Variants in CDH11 observed in about 807,000 individuals in gnomAD.
CDH11 encodes the protein cadherin-11.
A neutral mutation model predicts 67.8 loss-of-function variants in CDH11; 11 were observed. The observed-to-expected ratio is 0.16, with a 90% CI of 0.10 to 0.27. The LOEUF (loss-of-function observed/expected upper bound fraction) is 0.27. Among genes scored for constraint, CDH11 ranks in the 10% least tolerant of loss-of-function variants. The pLI is 1.00. For missense variants in CDH11, 847 were observed against 1,031.2 expected, an observed-to-expected ratio of 0.82 and a Z score of 2.45; for synonymous variants, 419 against 400.0, an observed-to-expected ratio of 1.05 and a Z score of -0.57.
At chr16:64,988,650 C>G (rs897608062) in intron 6 of CDH11, among the ~76,000 whole-genome samples, 6 of 152,032 alleles carry the variant, frequency 3.9e-5, no homozygotes, top group African/African-American at 1.2e-4. Flanking sequence ...GATGGAGAAC[C>G]ATGCATGTCT....
intron 12 of CDH11, among the ~76,000 whole-genome samples, chr16:64,949,435 T>C (rs2071292932): frequency 1.3e-5 from 2 of 149,122 alleles, no homozygotes; most frequent in African/African-American, 4.9e-5. Flanking sequence ...CTTTTTTTTT[T>C]TTTTTTTTGA....
At chr16:64,972,286 T>C (rs2072028592) in intron 9 of CDH11, among the ~76,000 whole-genome samples, 1 of 152,184 alleles carries the variant, frequency 6.6e-6, no homozygotes, top group Admixed American at 6.5e-5. Flanking sequence ...TAAAACACTT[T>C]TCCACATCTG....
intron 10 of CDH11, 70 bp from the exon 11 acceptor site, chr16:64,971,766 G>T: frequency 7.0e-7 from 1 of 1,423,644 alleles, no homozygotes. Context: ...AAAATTTCTG[G>T]CTGGCTAGAA....
intron 3 of CDH11, 87 bp from the exon 4 acceptor site, chr16:64,998,943 G>A (rs7190608): frequency 0.15 from 142,361 of 976,500 alleles, 14,596 homozygotes; most frequent in East Asian, 0.41. Flanking sequence ...AATCTGCTGC[G>A]CACACACACA....
intron 1 of CDH11, among the ~76,000 whole-genome samples, chr16:65,057,104 T>C (rs1050496689): frequency 3.9e-5 from 6 of 152,224 alleles, no homozygotes; most frequent in Non-Finnish European, 8.8e-5. Flanking sequence ...GCATAGTTGA[T>C]GGAGCTAAGA....
chr16:65,044,955 G>C (rs1472745394), intron 2 of CDH11, among the ~76,000 whole-genome samples: 1 of 152,020 alleles, frequency 6.6e-6, no homozygotes, highest in East Asian at 1.9e-4. Context: ...GCTTTCATGA[G>C]CCTGAGCTCC....
intron 2 of CDH11, among the ~76,000 whole-genome samples, chr16:65,045,329 G>GTATATATCTATATATA (rs2073937385): frequency 1.6e-5 from 1 of 63,266 alleles, no homozygotes; most frequent in African/African-American, 6.3e-5. Flanking sequence ...TCCCTCAAAA[G>GTATATATCTATATATA]TATATATATA....
At chr16:65,061,157 C>T (rs1395591052) in intron 1 of CDH11, among the ~76,000 whole-genome samples, 1 of 152,124 alleles carries the variant, frequency 6.6e-6, no homozygotes, top group Admixed American at 6.5e-5. Flanking sequence ...GCTATTTGGT[C>T]CTCCCAACTT....
chr16:64,947,440 C>G lies in CDH11; in HGVS notation c.*163G>C. ...GAGAAAAGGTATTTCACAGTATTTA[C>G]CACTTTGATGTCCTCGCAGTTTTAT... On this transcript the variant is annotated 3_prime_UTR_variant, in exon 13 of 13. Coordinates refer to ENST00000268603, the MANE Select transcript of CDH11 (RefSeq NM_001797.4). 7.0e-7 allele frequency: 1 copy of G among 1,427,840 alleles called. No individual in the cohort carries two copies. Among genetic ancestry groups the G allele is most frequent in the Non-Finnish European group, 9.2e-7 (1 of 1,090,990 alleles). The allele number at this position is 1,427,840 out of a possible 1,614,324, so 88.4% of individuals were successfully genotyped here.
chr16:64,984,049 G>A lies in CDH11; in HGVS notation c.1000-1748C>T, dbSNP rs544327937. The stretch of plus-strand genomic sequence containing the variant: ...TGCTGCAGTTTCACATCCCAAGCTA[G>A]GCTCTCCAGGCCTTTGCAGAGGTTT... On this transcript the variant is annotated intron_variant, in intron 7 of 12. Transcript: ENST00000268603. 5.3e-5 allele frequency among the ~76,000 whole-genome samples: 8 copies of A among 152,268 alleles called. No homozygotes were observed. The East Asian group carries it at 1.4e-3, about 26-fold the overall frequency.
chr16:64,951,330 A>T (rs1003025854), intron 11 of CDH11, among the ~76,000 whole-genome samples: 3 of 152,092 alleles, frequency 2.0e-5, no homozygotes, highest in Admixed American at 2.0e-4. Context: ...GATTTCCCCC[A>T]ACACCCTCAG....
At chr16:65,023,208 A>G (rs539021967) in intron 2 of CDH11, among the ~76,000 whole-genome samples, 14 of 152,336 alleles carry the variant, frequency 9.2e-5, no homozygotes, top group African/African-American at 3.1e-4. Flanking sequence ...CAAAGGCCTC[A>G]AAGCCACTTA....
intron 8 of CDH11, among the ~76,000 whole-genome samples, chr16:64,977,274 G>A (rs2072197231): frequency 6.6e-6 from 1 of 152,194 alleles, no homozygotes; most frequent in African/African-American, 2.4e-5. Context: ...ACCCAAGTAG[G>A]TGGGAGTGGG....
chr16:64,957,499 A>G (rs2071545807), intron 11 of CDH11, among the ~76,000 whole-genome samples: 1 of 151,886 alleles, frequency 6.6e-6, no homozygotes, highest in Non-Finnish European at 1.5e-5. Flanking sequence ...AATAAACATT[A>G]TTTGATTACT....
rs752425143 is a variant in CDH11 at position 64,950,831 on chromosome 16, A to G, written c.1830T>C (p.Ile610=). Residue 610 remains isoleucine, a synonymous_variant, in exon 12 of 13, where the codon ATT becomes ATC. Coordinates refer to ENST00000268603, the MANE Select transcript of CDH11 (RefSeq NM_001797.4). Reference sequence around the variant, plus strand: ...CGCCTGTGCTCAGGCCGGCGTTCAGAATGTAGGCCTCTGCGTTGCAGGAGA... The same window carrying G: ...CGCCTGTGCTCAGGCCGGCGTTCAGGATGTAGGCCTCTGCGTTGCAGGAGA... ...ALLSCNAEAY[I]LNAGLSTGAL... 3.7e-6 allele frequency: 6 copies of G among 1,614,014 alleles called. No homozygotes were observed. In the African/African-American group the frequency reaches 8.0e-5, roughly 22 times the overall value.
intron 1 of CDH11, among the ~76,000 whole-genome samples, chr16:65,077,894 A>T (rs2074541711): frequency 6.6e-6 from 1 of 152,230 alleles, no homozygotes; most frequent in African/African-American, 2.4e-5. Flanking sequence ...AATTAATGTT[A>T]GCCAGAAATG....
intron 1 of CDH11, among the ~76,000 whole-genome samples, chr16:65,096,505 G>GTA (rs950769643): frequency 6.8e-6 from 1 of 147,376 alleles, no homozygotes; most frequent in African/African-American, 2.5e-5. Flanking sequence ...TTATATATGT[G>GTA]TATATATGCA....
intron 1 of CDH11, among the ~76,000 whole-genome samples, chr16:65,105,022 G>T (rs2075045278): frequency 6.6e-6 from 1 of 152,136 alleles, no homozygotes; most frequent in Non-Finnish European, 1.5e-5. Context: ...ATCAGTTCCT[G>T]CATGGCCAGT....
chr16:65,067,239 A>C (rs2074327936), intron 1 of CDH11, among the ~76,000 whole-genome samples: 2 of 152,148 alleles, frequency 1.3e-5, no homozygotes, highest in South Asian at 4.1e-4. Context: ...AGTTAAATGA[A>C]TCCTTTGAAT....
Sources: gnomAD v4.1 joint callset for allele counts (sites outside exome capture counted in the v4.1 genomes callset) on GRCh38, gnomAD v4.1.1 for gene constraint, MANE v1.5 for transcripts, NCBI Gene and HGNC (gene_info 2026-07-23, HGNC 2026-07-21) for gene names.